The following PPFIA3 variants were observed in gnomAD, a reference collection of about 807,000 sequenced individuals.
PPFIA3 encodes the protein liprin-alpha-3.
Under a neutral mutation model 145.8 loss-of-function variants are expected in PPFIA3, and 26 were observed. The ratio of observed to expected loss-of-function variants is 0.18; its 90% CI spans 0.13 to 0.25. PPFIA3 has a LOEUF of 0.25. Ranked by LOEUF, PPFIA3 falls within the 10% of genes least tolerant of loss-of-function variation. PPFIA3 has a pLI of 1.00. For synonymous variants in PPFIA3, 645 were observed against 661.4 expected (o/e 0.98, Z 0.38); for missense variants, 1,008 against 1,587.8 (o/e 0.63, Z 6.21).
chr19:49,147,223 T>C (rs1239041569), intron 23 of PPFIA3, among the ~76,000 whole-genome samples: 1 of 152,096 alleles, frequency 6.6e-6, no homozygotes, highest in Non-Finnish European at 1.5e-5. Flanking sequence ...TTTAGTGACG[T>C]TGGACTGCAG....
intron 23 of PPFIA3, among the ~76,000 whole-genome samples, chr19:49,147,125 G>A (rs1316543268): frequency 6.6e-6 from 1 of 152,190 alleles, no homozygotes; most frequent in Non-Finnish European, 1.5e-5. Context: ...TATAACATTA[G>A]ACAAGTATTT....
intron 1 of PPFIA3, among the ~76,000 whole-genome samples, chr19:49,121,478 TA>T (rs1275765720): frequency 6.6e-5 from 10 of 151,770 alleles, no homozygotes; most frequent in Non-Finnish European, 1.3e-4. Flanking sequence ...CCTGGCTAAT[TA>T]AAAAAAAATT....
intron 1 of PPFIA3, among the ~76,000 whole-genome samples, chr19:49,123,569 G>A (rs1246754238): frequency 6.6e-6 from 1 of 151,688 alleles, no homozygotes; most frequent in Non-Finnish European, 1.5e-5. Flanking sequence ...AGCCCCTCGA[G>A]GAGCTGGGAT....
At position 49,128,907 on chromosome 19, in the gene PPFIA3, C is replaced by T. The variant is rs747036699; in HGVS notation, c.402C>T (p.Thr134=). ...VSRHERSLRM[T]VVKRQAQSPG... ...GGCACGAGAGGTCACTGCGCATGAC[C>T]GTGGTGAAGCGCCAGGCCCAGTCCC... is the stretch of plus-strand genomic sequence containing the variant. Residue 134 remains threonine, a synonymous_variant, in exon 4 of 30, where the codon ACC becomes ACT. Coordinates refer to ENST00000334186, the MANE Select transcript of PPFIA3 (RefSeq NM_003660.4). This position sits in a 1 kb window ranked among gnomAD's most constrained non-coding sequence, Gnocchi z 4.1. 1 of 1,613,814 alleles carries T rather than the reference C, an allele frequency of 6.2e-7. No individual in the cohort carries two copies. The highest frequency in any genetic ancestry group is 1.3e-5 in the African/African-American group (1 of 74,878).
intron 15 of PPFIA3, 79 bp downstream of exon 15, chr19:49,136,990 A>C: frequency 7.5e-7 from 1 of 1,341,186 alleles, no homozygotes; most frequent in East Asian, 2.6e-5. Context: ...GAGGCCTGAA[A>C]GCCTGAGTCC....
At chr19:49,137,035 A>G in intron 15 of PPFIA3, 124 bp downstream of exon 15, 2 of 973,520 alleles carry the variant, frequency 2.1e-6, no homozygotes, top group Non-Finnish European at 2.9e-6. Context: ...GAATTCTTCC[A>G]GCCCAACACT....
At chr19:49,132,258 G>A (rs989672708) in intron 7 of PPFIA3, among the ~76,000 whole-genome samples, 1 of 151,252 alleles carries the variant, frequency 6.6e-6, no homozygotes, top group Non-Finnish European at 1.5e-5. Context: ...GCATGGCAGC[G>A]GGTGCCTGTA....
Position 49,128,077 on chromosome 19 carries a change from C to G in PPFIA3, c.204C>G (p.Asp68Glu), listed in dbSNP as rs2041024371. Residue 68 changes from aspartate (D) to glutamate (E), a missense_variant, in exon 2 of 30, where the codon GAC (aspartate) becomes GAG (glutamate). Around this residue, in one of 11 missense-constraint regions of PPFIA3, gnomAD observed 108 missense variants for 144.3 expected, o/e 0.75. Transcript: ENST00000334186. The surrounding 1 kb of genome is among the most constrained non-coding windows in gnomAD (Gnocchi z 4.1). Reference sequence around the variant, plus strand: ...TGCGCGAGCTCGGCCACGAGAAGGACTCGCTGCAGCGCCAGCTCAGCATCG... The same window carrying G: ...TGCGCGAGCTCGGCCACGAGAAGGAGTCGCTGCAGCGCCAGCTCAGCATCG... Reference protein sequence around the residue: ...LRLRELGHEKDSLQRQLSIAL... With the variant: ...LRLRELGHEKESLQRQLSIAL... 1.9e-6 allele frequency: 3 copies of G among 1,588,434 alleles called. No individual in the cohort carries two copies. Among genetic ancestry groups the G allele is most frequent in the East Asian group, 2.3e-5 (1 of 44,360 alleles).
At chr19:49,131,719 G>T (rs937650270) in intron 7 of PPFIA3, among the ~76,000 whole-genome samples, 2 of 151,908 alleles carry the variant, frequency 1.3e-5, no homozygotes, top group East Asian at 2.0e-4. Context: ...CCACTAGAGA[G>T]GCTGAGGCAT....
In PPFIA3 at chr19:49,120,160, G is replaced by T. The variant is rs1271024006; in HGVS notation, c.-16+438G>T. Reference sequence around the variant, plus strand: ...TGCGTCCCACGGTCCAGGCAGGCTCGGCGGCCGCCCTGGACACAGGCCCGC... The same window carrying T: ...TGCGTCCCACGGTCCAGGCAGGCTCTGCGGCCGCCCTGGACACAGGCCCGC... On this transcript the variant is annotated intron_variant, in intron 1 of 29. Coordinates refer to ENST00000334186, the MANE Select transcript of PPFIA3 (RefSeq NM_003660.4). The surrounding 1 kb of genome is among the most constrained non-coding windows in gnomAD (Gnocchi z 4.6). Among the ~76,000 whole-genome samples, 1 of 152,074 alleles carries T rather than the reference G, an allele frequency of 6.6e-6. No homozygotes were observed. Among genetic ancestry groups the T allele is most frequent in the South Asian group, 2.1e-4 (1 of 4,824 alleles).
Position 49,149,123 on chromosome 19 carries a change from C to T in PPFIA3, c.3240C>T (p.Tyr1080=). Residue 1080 remains tyrosine (Y), a synonymous_variant, in exon 26 of 30, where the codon TAC becomes TAT. Transcript: ENST00000334186. The surrounding 1 kb of genome is among the most constrained non-coding windows in gnomAD (Gnocchi z 5.7). The part of the protein sequence containing the change: ...ALLALDETFD[Y]SDLALLLQIP... ...TCGCCCTGGACGAGACCTTCGACTA[C>T]TCCGACCTGGCCTTGCTCCTGCAGA... 1 of 1,614,170 alleles carries T rather than the reference C, an allele frequency of 6.2e-7. No homozygotes were observed. Among genetic ancestry groups the T allele is most frequent in the South Asian group, 1.1e-5 (1 of 91,082 alleles).
Position 49,128,219 on chromosome 19 carries a change from G to C in PPFIA3, c.240+106G>C, listed in dbSNP as rs898305206. 4 of 1,486,108 alleles carry C rather than the reference G, an allele frequency of 2.7e-6. No homozygotes were observed. The African/African-American group carries it at 5.5e-5, about 21-fold the overall frequency. 92.1% of individuals were successfully genotyped at this position (1,486,108 alleles called of 1,614,324 possible). Reference sequence around the variant, plus strand: ...GCCTGGAAGGGAGGAGTCTGGGCGAGGCTTGCCGTTAATGGGCGGGGCCTG... The same window carrying C: ...GCCTGGAAGGGAGGAGTCTGGGCGACGCTTGCCGTTAATGGGCGGGGCCTG... On this transcript the variant is annotated intron_variant, in intron 2 of 29. Transcript: ENST00000334186. This position sits in a 1 kb window ranked among gnomAD's most constrained non-coding sequence, Gnocchi z 4.1.
Position 49,142,010 on chromosome 19 carries a change from A to G in PPFIA3, c.2463-24A>G, listed in dbSNP as rs1382021398. The G allele has an allele frequency of 9.7e-6, 15 of 1,550,692 alleles. No individual in the cohort carries two copies. In the South Asian group the frequency reaches 1.4e-4, roughly 15 times the overall value. The stretch of plus-strand genomic sequence containing the variant: ...GGGGTCTCCATCCCTGACAGCTTCT[A>G]TCCTGGCCCCTTCACCCTTACAGGC... On this transcript the variant is annotated intron_variant, in intron 19 of 29. Coordinates refer to ENST00000334186, the MANE Select transcript of PPFIA3 (RefSeq NM_003660.4).
In PPFIA3 at chr19:49,139,700, A is replaced by G. The variant is rs2041190695; in HGVS notation, c.2109A>G (p.Pro703=). Residue 703 remains proline (P), a synonymous_variant, in exon 17 of 30, where the codon CCA becomes CCG. Coordinates refer to ENST00000334186, the MANE Select transcript of PPFIA3 (RefSeq NM_003660.4). ...TCCCTAAGGAGGAAGCTGGAGCTCC[A>G]CGAGGGGAGGGGCCGGCCATCCCAG... is the stretch of plus-strand genomic sequence containing the variant. ...NHVPKEEAGA[P]RGEGPAIPGD... is the part of the protein sequence containing the mutation. 1 of 1,610,370 alleles carries G rather than the reference A, an allele frequency of 6.2e-7. No individual in the cohort carries two copies. Among genetic ancestry groups the G allele is most frequent in the Non-Finnish European group, 8.5e-7 (1 of 1,178,246 alleles).
At chr19:49,139,895 C>T in intron 17 of PPFIA3, 64 bp downstream of exon 17, 2 of 1,612,344 alleles carry the variant, frequency 1.2e-6, no homozygotes, top group South Asian at 1.1e-5. Context: ...AGGGGGTGGA[C>T]AAGGACTTGG....
intron 1 of PPFIA3, among the ~76,000 whole-genome samples, chr19:49,121,936 G>A (rs2040941059): frequency 6.6e-6 from 1 of 151,564 alleles, no homozygotes; most frequent in Non-Finnish European, 1.5e-5. Flanking sequence ...GCGCCTGGCC[G>A]GGCCACATTT....
chr19:49,147,241 G>A (rs1456475181), intron 23 of PPFIA3, among the ~76,000 whole-genome samples: 1 of 152,102 alleles, frequency 6.6e-6, no homozygotes. Context: ...CAGTGAGACA[G>A]AGTTAAAGCA....
At chr19:49,145,369 A>G (rs925493871) in intron 21 of PPFIA3, among the ~76,000 whole-genome samples, 6 of 152,132 alleles carry the variant, frequency 3.9e-5, no homozygotes, top group African/African-American at 1.4e-4. Flanking sequence ...TTCATTTACT[A>G]TTCACTCTGT....
rs2122594047 is a variant in PPFIA3 at position 49,136,982 on chromosome 19, G to A, written c.1853+71G>A. On this transcript the variant is annotated intron_variant, in intron 15 of 29. Transcript: ENST00000334186. ...ACTCCACAGCCCTTCTGGCTCTGGA[G>A]GCCTGAAAGCCTGAGTCCGTCTCCT... is the stretch of plus-strand genomic sequence containing the variant. 3 of 1,387,798 alleles carry A rather than the reference G, an allele frequency of 2.2e-6. No homozygotes were observed. The South Asian group carries it at 4.6e-5, about 21-fold the overall frequency. The allele number at this position is 1,387,798 out of a possible 1,614,324, so 86.0% of individuals were successfully genotyped here.
Sources: gnomAD v4.1 joint callset for allele counts (sites outside exome capture counted in the v4.1 genomes callset) on GRCh38, gnomAD v4.1.1 for gene constraint, gnomAD v4.1.1 regional missense constraint, Gnocchi (gnomAD v3.1) non-coding constraint, MANE v1.5 for transcripts, NCBI Gene and HGNC (gene_info 2026-07-23, HGNC 2026-07-21) for gene names.